The following PLCB4 variants were observed in gnomAD, a reference collection of about 807,000 sequenced individuals.
The protein encoded by PLCB4 is phospholipase C beta 4.
In PLCB4, 77 loss-of-function variants were observed where a neutral mutation model predicts 178.8. The ratio of observed to expected loss-of-function variants is 0.43; its 90% CI spans 0.36 to 0.52. The LOEUF (loss-of-function observed/expected upper bound fraction) is 0.52, where lower values mean the gene tolerates loss of function less well. PLCB4 is among the 20% of genes least tolerant of loss of function. The pLI is 0.00. For synonymous variants in PLCB4, 496 were observed against 490.8 expected (o/e 1.01, Z -0.14); for missense variants, 1,024 against 1,453.4 (o/e 0.70, Z 4.80).
intron 32 of PLCB4, among the ~76,000 whole-genome samples, chr20:9,450,892 A>T (rs1321603624): frequency 6.6e-6 from 1 of 151,934 alleles, no homozygotes; most frequent in Non-Finnish European, 1.5e-5. Flanking sequence ...CAGGTGATTT[A>T]TGCGCCTCAG....
At chr20:9,465,687 G>A (rs1036320355) in intron 35 of PLCB4, among the ~76,000 whole-genome samples, 1 of 152,138 alleles carries the variant, frequency 6.6e-6, no homozygotes, top group African/African-American at 2.4e-5. Context: ...ATTTGCATTT[G>A]CTACAAAGAG....
chr20:9,461,111 A>G (rs2043363302), intron 35 of PLCB4, among the ~76,000 whole-genome samples: 1 of 152,218 alleles, frequency 6.6e-6, no homozygotes, highest in African/African-American at 2.4e-5. Flanking sequence ...ACAGCATGGC[A>G]CTTGTCTAAT....
At chr20:9,209,368 A>G (rs1363424860) in intron 2 of PLCB4, among the ~76,000 whole-genome samples, 1 of 152,020 alleles carries the variant, frequency 6.6e-6, no homozygotes, top group Admixed American at 6.6e-5. Context: ...GCAGAATTCT[A>G]AGGTGGCCCC....
chr20:9,202,247 C>T (rs955651525), intron 2 of PLCB4, among the ~76,000 whole-genome samples: 1 of 152,104 alleles, frequency 6.6e-6, no homozygotes, highest in Non-Finnish European at 1.5e-5. Context: ...GTCAAAGGGG[C>T]AGCCTGAGGG....
intron 26 of PLCB4, 125 bp downstream of exon 26, chr20:9,420,034 C>G (rs368863532): frequency 1.9e-6 from 1 of 531,972 alleles, no homozygotes; most frequent in African/African-American, 1.9e-5. Flanking sequence ...ACTTAAGATT[C>G]CACCCCCTTT....
intron 4 of PLCB4, among the ~76,000 whole-genome samples, chr20:9,332,349 A>G (rs1390738084): frequency 6.6e-6 from 1 of 152,160 alleles, no homozygotes; most frequent in Non-Finnish European, 1.5e-5. Flanking sequence ...AAAAGAATAG[A>G]CATGATGTGT....
intron 2 of PLCB4, among the ~76,000 whole-genome samples, chr20:9,112,323 C>T (rs754806371): frequency 2.0e-5 from 3 of 149,696 alleles, no homozygotes; most frequent in Non-Finnish European, 3.0e-5. Context: ...TGGATGATCT[C>T]AGCTCACTGC....
At chr20:9,426,054 A>T (rs2040981154) in intron 28 of PLCB4, among the ~76,000 whole-genome samples, 1 of 152,010 alleles carries the variant, frequency 6.6e-6, no homozygotes, top group Non-Finnish European at 1.5e-5. Context: ...TTCCCTCTTC[A>T]TTCCACAGGA....
At chr20:9,199,357 C>A (rs1460898322) in intron 2 of PLCB4, among the ~76,000 whole-genome samples, 3 of 152,166 alleles carry the variant, frequency 2.0e-5, no homozygotes, top group Non-Finnish European at 2.9e-5. Flanking sequence ...TTCATTTATT[C>A]ATTCAATAAG....
chr20:9,431,064 G>T (rs896419854), intron 28 of PLCB4, among the ~76,000 whole-genome samples: 1 of 152,188 alleles, frequency 6.6e-6, no homozygotes, highest in Non-Finnish European at 1.5e-5. Flanking sequence ...GTTTAAAACA[G>T]CAGAGATTTA....
chr20:9,116,547 A>G (rs1164200100), intron 2 of PLCB4, among the ~76,000 whole-genome samples: 3 of 152,208 alleles, frequency 2.0e-5, no homozygotes, highest in Admixed American at 6.5e-5. Flanking sequence ...TGCGCTGGAC[A>G]TAGAATTGGT....
chr20:9,163,763 A>G (rs1182181216), intron 2 of PLCB4, among the ~76,000 whole-genome samples: 2 of 152,212 alleles, frequency 1.3e-5, no homozygotes, highest in South Asian at 2.1e-4. Context: ...TTACATGATC[A>G]TGATTTATCA....
At chr20:9,191,345 A>ATTTTTTTT (rs71184136) in intron 2 of PLCB4, among the ~76,000 whole-genome samples, 5 of 58,842 alleles carry the variant, frequency 8.5e-5, no homozygotes, top group Non-Finnish European at 1.2e-4. Context: ...CTAGATAGGC[A>ATTTTTTTT]TTTTTTTTTT....
chr20:9,444,923 C>T (rs2042323100), intron 32 of PLCB4, among the ~76,000 whole-genome samples: 1 of 152,190 alleles, frequency 6.6e-6, no homozygotes, highest in Non-Finnish European at 1.5e-5. Flanking sequence ...TGTCAACCTC[C>T]CACTCACAGC....
intron 34 of PLCB4, among the ~76,000 whole-genome samples, chr20:9,459,215 G>A (rs992290931): frequency 1.3e-5 from 2 of 152,204 alleles, no homozygotes; most frequent in East Asian, 1.9e-4. Context: ...ATGGTGGCAC[G>A]CATCTGTAAT....
intron 1 of PLCB4, among the ~76,000 whole-genome samples, chr20:9,087,429 A>ATATT (rs11471570): frequency 0.49 from 74,731 of 151,454 alleles, 18,791 homozygotes; most frequent in Middle Eastern, 0.56. Flanking sequence ...ACTTTGAATG[A>ATATT]TTTTTTTTGG....
chr20:9,344,786 T>A (rs2033625500), intron 7 of PLCB4, among the ~76,000 whole-genome samples: 1 of 152,182 alleles, frequency 6.6e-6, no homozygotes, highest in Admixed American at 6.5e-5. Context: ...GTTTTGACCC[T>A]GGTGTCCTGG....
intron 4 of PLCB4, among the ~76,000 whole-genome samples, chr20:9,314,872 ATTTTT>A (rs113478542): frequency 1.4e-5 from 2 of 141,244 alleles, no homozygotes; most frequent in Non-Finnish European, 3.1e-5. Context: ...GGGTAGAGGA[ATTTTT>A]TTTTTTTTTT....
intron 2 of PLCB4, among the ~76,000 whole-genome samples, chr20:9,196,921 T>G (rs186390570): frequency 6.6e-6 from 1 of 152,298 alleles, no homozygotes; most frequent in East Asian, 1.9e-4. Flanking sequence ...ATCAATACAG[T>G]ATAGCGACAA....
Sources: allele counts gnomAD v4.1 joint callset (sites outside exome capture counted in the v4.1 genomes callset), GRCh38; gene constraint gnomAD v4.1.1; transcripts MANE v1.5; gene names NCBI Gene and HGNC (gene_info 2026-07-23, HGNC 2026-07-21).